The following AK5 variants were observed in gnomAD, a reference collection of about 807,000 sequenced individuals.
The protein encoded by AK5 is adenylate kinase 5.
AK5 carries 27 observed loss-of-function variants against 69.5 expected under a neutral mutation model. The observed-to-expected ratio is 0.39, with a 90% CI of 0.29 to 0.54. The LOEUF (loss-of-function observed/expected upper bound fraction) is 0.54, where lower values mean the gene tolerates loss of function less well. Among genes scored for constraint, AK5 ranks in the 20% least tolerant of loss-of-function variants. The probability of loss-of-function intolerance (pLI) is 0.71; values close to 1 mark genes in which losing one functional copy is unlikely to be tolerated. For missense variants in AK5, 531 were observed against 700.4 expected (o/e 0.76, Z 2.73); for synonymous variants, 260 against 244.4 (o/e 1.06, Z -0.60).
chr1:77,388,591 T>TTG (rs1557551729), intron 6 of AK5, among the ~76,000 whole-genome samples: 3 of 138,954 alleles, frequency 2.2e-5, no homozygotes, highest in Non-Finnish European at 4.9e-5. Flanking sequence ...TGTTGTTGTT[T>TTG]TTGCATTAAG....
At chr1:77,298,533 G>A (rs72641172) in intron 5 of AK5, among the ~76,000 whole-genome samples, 19,872 of 151,856 alleles carry the variant, frequency 0.13, 1,542 homozygotes, top group East Asian at 0.36. Flanking sequence ...GCTGGACTCA[G>A]TGGCTCACGC....
intron 5 of AK5, among the ~76,000 whole-genome samples, chr1:77,304,273 G>T (rs1659507613): frequency 1.3e-5 from 2 of 152,044 alleles, no homozygotes; most frequent in African/African-American, 2.4e-5. Flanking sequence ...AACATGTGAT[G>T]TTTGTCTTTC....
Position 77,285,872 on chromosome 1 carries a change from A to G in AK5, c.61-1069A>G, listed in dbSNP as rs187072242. ...GGGATTTTTTTTTTCCAATTGGAAA[A>G]CAGTTAAATATGCACCTACCAAATG... On this transcript the variant is annotated intron_variant, in intron 1 of 13. Coordinates refer to ENST00000354567, the MANE Select transcript of AK5 (RefSeq NM_174858.3). Among the ~76,000 whole-genome samples the G allele has an allele frequency of 2.6e-5, 4 of 152,130 alleles. No individual in the cohort carries two copies. In the East Asian group the frequency reaches 7.7e-4, roughly 29 times the overall value.
chr1:77,342,108 C>G (rs975457889), intron 6 of AK5, among the ~76,000 whole-genome samples: 19 of 152,088 alleles, frequency 1.2e-4, no homozygotes, highest in Non-Finnish European at 2.6e-4. Flanking sequence ...CCATGTTGGC[C>G]AGGCTGGTCT....
At chr1:77,289,633 T>C (rs773483052) in intron 2 of AK5, among the ~76,000 whole-genome samples, 3 of 152,104 alleles carry the variant, frequency 2.0e-5, no homozygotes, top group Non-Finnish European at 4.4e-5. Context: ...ACTATGATTG[T>C]ACACAGAAGA....
chr1:77,537,525 C>A (rs1182944510), intron 13 of AK5, among the ~76,000 whole-genome samples: 4 of 152,052 alleles, frequency 2.6e-5, no homozygotes, highest in Non-Finnish European at 5.9e-5. Context: ...GAGGCTAGAA[C>A]AGTATCCAGG....
chr1:77,288,758 A>G (rs186537701), intron 2 of AK5, among the ~76,000 whole-genome samples: 85 of 152,324 alleles, frequency 5.6e-4, no homozygotes, highest in African/African-American at 1.9e-3. Flanking sequence ...GTTATAACGG[A>G]CCAAAAAACA....
rs114017888 is a variant in AK5 at position 77,382,938 on chromosome 1, C to A, written c.892-28043C>A. ...TTGCTAAAAGTAAAGCTTGTTCAGA[C>A]AACCCACTTATGGTCCTAAATAAAA... On this transcript the variant is annotated intron_variant, in intron 6 of 13. Transcript: ENST00000354567. 3.2e-3 allele frequency among the ~76,000 whole-genome samples: 488 copies of A among 152,290 alleles called. 3 individuals are homozygous for A. The highest frequency in any genetic ancestry group is 0.011 in the African/African-American group (465 of 41,556).
At chr1:77,465,945 C>G (rs915823798) in intron 8 of AK5, among the ~76,000 whole-genome samples, 1 of 152,158 alleles carries the variant, frequency 6.6e-6, no homozygotes, top group Admixed American at 6.5e-5. Context: ...ACCTCCAGGC[C>G]ATGCTTTACA....
At chr1:77,327,847 A>G (rs1660885145) in intron 5 of AK5, among the ~76,000 whole-genome samples, 1 of 152,200 alleles carries the variant, frequency 6.6e-6, no homozygotes, top group African/African-American at 2.4e-5. Context: ...GTTCAGGCTC[A>G]TTAGCTCTTC....
At chr1:77,367,508 T>C (rs1646972973) in intron 6 of AK5, among the ~76,000 whole-genome samples, 1 of 134,876 alleles carries the variant, frequency 7.4e-6, no homozygotes, top group Non-Finnish European at 1.5e-5. Context: ...TTTTGTTTTT[T>C]TGTAGAGACA....
chr1:77,469,448 G>T (rs972264616), intron 8 of AK5, among the ~76,000 whole-genome samples: 1 of 152,212 alleles, frequency 6.6e-6, no homozygotes, highest in Non-Finnish European at 1.5e-5. Flanking sequence ...CATATGGCCC[G>T]CAGTGAGAGC....
intron 12 of AK5, among the ~76,000 whole-genome samples, chr1:77,525,604 A>G (rs1441344985): frequency 6.6e-6 from 1 of 152,194 alleles, no homozygotes; most frequent in African/African-American, 2.4e-5. Flanking sequence ...CATTACCACG[A>G]GGATAGCACC....
Position 77,282,224 on chromosome 1 carries a change from G to T in AK5, c.-90G>T, listed in dbSNP as rs1658098136. 7.9e-7 allele frequency: 1 copy of T among 1,273,752 alleles called. No individual in the cohort carries two copies. Among genetic ancestry groups the T allele is most frequent in the South Asian group, 1.5e-5 (1 of 67,700 alleles). The allele number at this position is 1,273,752 out of a possible 1,614,324, so 78.9% of individuals were successfully genotyped here. ...GAGGGCTGCACCGCTGCTCGGCGCG[G>T]ACTCTGCCAGCCCCAGCTTCAGCCC... On this transcript the variant is annotated 5_prime_UTR_variant, in exon 1 of 14. Coordinates refer to ENST00000354567, the MANE Select transcript of AK5 (RefSeq NM_174858.3).
chr1:77,430,973 A>G lies in AK5; in HGVS notation c.1059+13258A>G, dbSNP rs548713336. Among the ~76,000 whole-genome samples the G allele has an allele frequency of 9.8e-5, 15 of 152,322 alleles. No individual in the cohort carries two copies. The South Asian group carries it at 3.1e-3, about 32-fold the overall frequency. ...ATAAGAGAGAGGAAAGTCTATCTGA[A>G]TGTGGTAGGACTGGGTTCTCCAGCC... On this transcript the variant is annotated intron_variant, in intron 8 of 13. Coordinates refer to ENST00000354567, the MANE Select transcript of AK5 (RefSeq NM_174858.3).
At chr1:77,449,659 G>C (rs1287476343) in intron 8 of AK5, among the ~76,000 whole-genome samples, 12 of 152,144 alleles carry the variant, frequency 7.9e-5, no homozygotes, top group Non-Finnish European at 1.5e-5. Context: ...AGAGTGTAAT[G>C]ATAAGGTTTG....
intron 6 of AK5, among the ~76,000 whole-genome samples, chr1:77,397,499 G>C (rs1205129934): frequency 6.6e-6 from 1 of 152,160 alleles, no homozygotes; most frequent in Non-Finnish European, 1.5e-5. Context: ...TTTTCTAGCA[G>C]CTACTTTACT....
chr1:77,342,630 CAAA>C (rs1018690123), intron 6 of AK5, among the ~76,000 whole-genome samples: 9 of 152,216 alleles, frequency 5.9e-5, no homozygotes, highest in African/African-American at 2.2e-4. Context: ...AAAAATTTGA[CAAA>C]GAAGCAAAAC....
intron 6 of AK5, among the ~76,000 whole-genome samples, chr1:77,376,452 A>AAAAAAAAAAAAAC (rs1557542594): frequency 0.037 from 335 of 9,088 alleles, 6 homozygotes; most frequent in African/African-American, 0.07. Flanking sequence ...AAAAAAAAAC[A>AAAAAAAAAAAAAC]AAAAAAAAAA....
Sources: gnomAD v4.1 joint callset for allele counts (sites outside exome capture counted in the v4.1 genomes callset) on GRCh38, gnomAD v4.1.1 for gene constraint, MANE v1.5 for transcripts, NCBI Gene and HGNC (gene_info 2026-07-23, HGNC 2026-07-21) for gene names.